Variants in RTL4 observed in about 807,000 individuals in gnomAD.
RTL4 encodes the protein retrotransposon Gag like 4.
In RTL4, 4 loss-of-function variants were observed where a neutral mutation model predicts 5.3. That is an observed-to-expected ratio of 0.75 (90% CI 0.37 to 1.72). The LOEUF (loss-of-function observed/expected upper bound fraction) is 1.72, where lower values mean the gene tolerates loss of function less well. RTL4 is among the 40% of genes most tolerant of loss of function. RTL4 has a pLI of 0.04. For synonymous variants in RTL4, 98 were observed against 87.3 expected, an observed-to-expected ratio of 1.12 and a Z score of -0.68; for missense variants, 260 against 227.1, an observed-to-expected ratio of 1.14 and a Z score of -0.93.
chrX:112,381,917 A>G, the RTL4 span: 1 of 1,209,797 alleles, frequency 8.3e-7, no homozygotes, highest in East Asian at 3.0e-5. Context: ...GCTTAATATG[A>G]AGGCCCAGGC....
the RTL4 span, among the ~76,000 whole-genome samples, chrX:112,120,326 T>C: frequency 1.8e-5 from 2 of 112,284 alleles, no homozygotes; most frequent in Non-Finnish European, 1.9e-5. Flanking sequence ...GCCCAGGCTG[T>C]AGTGCAGTGG....
chrX:112,270,918 T>C, the RTL4 span, among the ~76,000 whole-genome samples: 4 of 109,800 alleles, frequency 3.6e-5, no homozygotes, highest in African/African-American at 1.3e-4. Context: ...AACACAGAGG[T>C]AACTGATGCC....
chrX:112,132,891 C>A, the RTL4 span, among the ~76,000 whole-genome samples: 25 of 112,550 alleles, frequency 2.2e-4, no homozygotes, highest in Non-Finnish European at 5.6e-5. Flanking sequence ...TGCCCACTGG[C>A]GGTCAAAGAC....
chrX:112,347,536 C>T, the RTL4 span, among the ~76,000 whole-genome samples: 5 of 111,385 alleles, frequency 4.5e-5, no homozygotes, highest in African/African-American at 1.3e-4. Context: ...ACCACAAAAT[C>T]CAGGTGGACT....
the RTL4 span, among the ~76,000 whole-genome samples, chrX:112,337,593 T>C: frequency 8.9e-6 from 1 of 112,234 alleles, no homozygotes; most frequent in Non-Finnish European, 1.9e-5. Context: ...AAAAATATTT[T>C]TTTTTTCCAG....
the RTL4 span, among the ~76,000 whole-genome samples, chrX:112,148,517 CTGAAAA>C: frequency 9.0e-6 from 1 of 111,041 alleles, no homozygotes; most frequent in Non-Finnish European, 1.9e-5. Flanking sequence ...AAAATACTCA[CTGAAAA>C]TGCCAAGTAA....
the RTL4 span, among the ~76,000 whole-genome samples, chrX:112,414,614 ATGTTCTAT>A: frequency 8.9e-6 from 1 of 111,875 alleles, no homozygotes; most frequent in African/African-American, 3.2e-5. Context: ...CAGATGACTG[ATGTTCTAT>A]TGTTCTTCAA....
chrX:112,242,954 G>C, the RTL4 span, among the ~76,000 whole-genome samples: 2 of 111,343 alleles, frequency 1.8e-5, no homozygotes, highest in East Asian at 5.7e-4. Flanking sequence ...ATAATCATGT[G>C]GTTTTTGTCT....
At chrX:112,223,020 C>T in the RTL4 span, among the ~76,000 whole-genome samples, 1 of 112,470 alleles carries the variant, frequency 8.9e-6, no homozygotes, top group African/African-American at 3.2e-5. Flanking sequence ...GCACAGGATG[C>T]TGAACACTTT....
the RTL4 span, among the ~76,000 whole-genome samples, chrX:112,212,362 C>G: frequency 3.6e-5 from 4 of 110,777 alleles, no homozygotes; most frequent in African/African-American, 1.3e-4. Context: ...GGCGACAGAG[C>G]GAGACTCCGT....
the RTL4 span, among the ~76,000 whole-genome samples, chrX:112,233,515 T>C: frequency 1.8e-5 from 2 of 111,285 alleles, 1 homozygote; most frequent in African/African-American, 6.5e-5. Flanking sequence ...AGTCAGCTAT[T>C]TGTTACTGAA....
the RTL4 span, among the ~76,000 whole-genome samples, chrX:112,337,734 C>G: frequency 1.3e-4 from 14 of 111,543 alleles, no homozygotes; most frequent in Admixed American, 1.3e-3. Context: ...ATCTTCATCT[C>G]TCTGGCTTCT....
the RTL4 span, among the ~76,000 whole-genome samples, chrX:112,188,468 C>T: frequency 8.9e-6 from 1 of 111,981 alleles, no homozygotes; most frequent in African/African-American, 3.3e-5. Flanking sequence ...TATAATCCTT[C>T]TGCATTTGGA....
At chrX:112,298,358 G>A in the RTL4 span, among the ~76,000 whole-genome samples, 1 of 111,584 alleles carries the variant, frequency 9.0e-6, no homozygotes, top group Non-Finnish European at 1.9e-5. Context: ...TAGTTATTAC[G>A]AAAGAAAGAG....
the RTL4 span, among the ~76,000 whole-genome samples, chrX:112,095,938 A>C: frequency 8.9e-6 from 1 of 111,982 alleles, no homozygotes; most frequent in Non-Finnish European, 1.9e-5. Context: ...ACAGCAGAAG[A>C]TAGAGATGGT....
At chrX:112,396,520 G>A in the RTL4 span, among the ~76,000 whole-genome samples, 2 of 110,325 alleles carry the variant, frequency 1.8e-5, no homozygotes, top group East Asian at 5.7e-4. Context: ...TTTTTATTTG[G>A]CCACCTTGTT....
At chrX:112,352,604 G>T in the RTL4 span, among the ~76,000 whole-genome samples, 1 of 111,412 alleles carries the variant, frequency 9.0e-6, no homozygotes, top group African/African-American at 3.3e-5. Context: ...TTAATAAGTG[G>T]TGCTGGGAAA....
chrX:112,102,484 C>A, the RTL4 span, among the ~76,000 whole-genome samples: 2 of 111,643 alleles, frequency 1.8e-5, no homozygotes, highest in Non-Finnish European at 3.8e-5. Flanking sequence ...CAGAACAAAA[C>A]AAACAGCAAT....
At chrX:112,121,729 C>T in the RTL4 span, among the ~76,000 whole-genome samples, 2 of 111,343 alleles carry the variant, frequency 1.8e-5, no homozygotes, top group South Asian at 7.6e-4. Flanking sequence ...AAAGATAGTT[C>T]ATTAAGATCC....
Sources: gnomAD v4.1 joint callset for allele counts (sites outside exome capture counted in the v4.1 genomes callset) on GRCh38, gnomAD v4.1.1 for gene constraint, MANE v1.5 for transcripts, NCBI Gene and HGNC (gene_info 2026-07-23, HGNC 2026-07-21) for gene names.